The following TMX2 variants were observed in gnomAD, a reference collection of about 807,000 sequenced individuals.
The protein encoded by TMX2 is thioredoxin-related transmembrane protein 2.
In TMX2, 20 loss-of-function variants were observed where a neutral mutation model predicts 33.4. The observed-to-expected ratio is 0.60, with a 90% CI of 0.42 to 0.87. The LOEUF (loss-of-function observed/expected upper bound fraction) is 0.87. TMX2 is among the 40% of genes least tolerant of loss of function. The probability of loss-of-function intolerance (pLI) is 0.00; values close to 1 mark genes in which losing one functional copy is unlikely to be tolerated. For synonymous variants in TMX2, 166 were observed against 140.7 expected, an observed-to-expected ratio of 1.18 and a Z score of -1.27; for missense variants, 340 against 370.7, an observed-to-expected ratio of 0.92 and a Z score of 0.68.
At chr11:57,728,455 A>G (rs987588496) in intron 1 of TMX2, among the ~76,000 whole-genome samples, 2 of 152,046 alleles carry the variant, frequency 1.3e-5, no homozygotes, top group Non-Finnish European at 2.9e-5. Context: ...CCGAGACTGG[A>G]GGTAAGGTAC....
At chr11:57,724,764 G>A (rs1353666118) in intron 1 of TMX2, among the ~76,000 whole-genome samples, 1 of 152,114 alleles carries the variant, frequency 6.6e-6, no homozygotes, top group East Asian at 1.9e-4. Context: ...ATAAGGCTGG[G>A]CATGGTGGCT....
chr11:57,730,305 T>C (rs753382859), intron 1 of TMX2, among the ~76,000 whole-genome samples: 12 of 146,008 alleles, frequency 8.2e-5, no homozygotes, highest in Non-Finnish European at 1.3e-4. Flanking sequence ...TGGGCGCCTA[T>C]AATCCCAGGT....
chr11:57,732,827 G>GC (rs1165137988), intron 1 of TMX2, among the ~76,000 whole-genome samples: 1 of 152,074 alleles, frequency 6.6e-6, no homozygotes, highest in Non-Finnish European at 1.5e-5. Context: ...TCAGCCTGGT[G>GC]GGGGGTGGGG....
intron 1 of TMX2, among the ~76,000 whole-genome samples, chr11:57,717,308 G>A (rs1253196099): frequency 2.0e-5 from 3 of 152,112 alleles, no homozygotes; most frequent in Non-Finnish European, 2.9e-5. Context: ...GGTGGCGGCC[G>A]GGCAGAGGCT....
chr11:57,732,549 C>T (rs1243145050), intron 1 of TMX2, among the ~76,000 whole-genome samples: 2 of 152,064 alleles, frequency 1.3e-5, no homozygotes, highest in Admixed American at 6.5e-5. Context: ...TACCTGTATA[C>T]TCTTATCTAA....
At chr11:57,718,898 G>A (rs1004627255) in intron 1 of TMX2, among the ~76,000 whole-genome samples, 7 of 150,998 alleles carry the variant, frequency 4.6e-5, no homozygotes, top group Admixed American at 2.7e-4. Context: ...CTCATGATCC[G>A]CCCGCCTTGG....
In TMX2 at chr11:57,712,623, C is replaced by T. The variant is rs542757664; in HGVS notation, c.5C>T (p.Ala2Val). MAVLAPLIALVY... is the reference protein window; with the variant it reads MVVLAPLIALVY... ...GTGGCCGTTACGGCCGAAAAGATGG[C>T]GGTCTTGGCACCTCTAATTGCTCTC... The change falls in exon 1 of 8, where the codon GCG becomes GTG. Residue 2 changes from alanine to valine, a missense_variant. Physicochemically the swap from Ala to Val is moderately conservative, Grantham distance 64 (BLOSUM62 0). This residue lies in a region of TMX2 where 106 missense variants were observed against 82.7 expected (regional missense o/e 1.28). Transcript: ENST00000278422. The T allele has an allele frequency of 1.3e-4, 215 of 1,610,074 alleles. No homozygotes were observed. Among genetic ancestry groups the T allele is most frequent in the Admixed American group, 2.5e-4 (15 of 59,658 alleles).
At chr11:57,726,791 C>T (rs1431691757) in intron 1 of TMX2, among the ~76,000 whole-genome samples, 1 of 152,214 alleles carries the variant, frequency 6.6e-6, no homozygotes, top group Non-Finnish European at 1.5e-5. Flanking sequence ...CCTCAGGATG[C>T]TATACCTATG....
At chr11:57,718,251 G>C in intron 1 of TMX2, 2 of 1,513,002 alleles carry the variant, frequency 1.3e-6, no homozygotes, top group Non-Finnish European at 9.2e-7. Flanking sequence ...CAAGGTGCCA[G>C]GACCTGTATG....
At chr11:57,735,211 C>G (rs1320046367) in intron 1 of TMX2, among the ~76,000 whole-genome samples, 1 of 151,630 alleles carries the variant, frequency 6.6e-6, no homozygotes, top group Non-Finnish European at 1.5e-5. Flanking sequence ...CCCCTATTTT[C>G]TTTTCTTTTT....
intron 1 of TMX2, among the ~76,000 whole-genome samples, chr11:57,717,487 G>C (rs1013265829): frequency 6.6e-6 from 1 of 151,936 alleles, no homozygotes; most frequent in Admixed American, 6.6e-5. Flanking sequence ...GATCACTCGC[G>C]GTTAGGAGCT....
chr11:57,715,586 C>CTTTTTTCTTT (rs1555014355), intron 1 of TMX2, among the ~76,000 whole-genome samples: 1 of 130,120 alleles, frequency 7.7e-6, no homozygotes, highest in Non-Finnish European at 1.6e-5. Flanking sequence ...AATTTGTTTT[C>CTTTTTTCTTT]TTTTTTTTTT....
intron 1 of TMX2, among the ~76,000 whole-genome samples, chr11:57,735,254 G>A (rs1298206867): frequency 6.6e-6 from 1 of 151,528 alleles, no homozygotes; most frequent in Non-Finnish European, 1.5e-5. Flanking sequence ...TGTTGCCCAG[G>A]CTGGAGTGCA....
rs931167680 is a variant in TMX2, at chr11:57,717,595, C to T, written c.189+4788C>T. Among the ~76,000 whole-genome samples, 11 of 152,086 alleles carry T rather than the reference C, an allele frequency of 7.2e-5. No individual in the cohort carries two copies. In the South Asian group the frequency reaches 8.3e-4, roughly 11 times the overall value. Reference sequence around the variant, plus strand: ...GCGCTTGCCTGCAATCGCAGGCACTCGGTGGGCTGAGGCAGGAGAATCAGG... The same window carrying T: ...GCGCTTGCCTGCAATCGCAGGCACTTGGTGGGCTGAGGCAGGAGAATCAGG... On this transcript the variant is annotated intron_variant, in intron 1 of 7. Coordinates refer to ENST00000278422, the MANE Select transcript of TMX2 (RefSeq NM_015959.4).
At chr11:57,714,915 TTAGTG>T (rs1421986476) in intron 1 of TMX2, among the ~76,000 whole-genome samples, 5 of 152,178 alleles carry the variant, frequency 3.3e-5, no homozygotes, top group Admixed American at 3.3e-4. Flanking sequence ...GTTTTAATTT[TTAGTG>T]ATTCTAAGTC....
At position 57,738,352 on chromosome 11, in the gene TMX2, A is replaced by G; in HGVS notation, c.365-2A>G. The G allele has an allele frequency of 1.9e-6, 3 of 1,598,050 alleles. No homozygotes were observed. In the South Asian group the frequency reaches 3.3e-5, roughly 18 times the overall value. ...CCTTCGACATCTTCTTTCTGTATTT[A>G]GTGTTCCTGATGACGTGCAAACCCC... is the stretch of plus-strand genomic sequence containing the variant. On this transcript the variant is annotated splice_acceptor_variant, in intron 3 of 7. Transcript: ENST00000278422. LOFTEE classifies it high-confidence loss of function.
intron 1 of TMX2, among the ~76,000 whole-genome samples, chr11:57,716,246 TGGCCGGGC>T (rs1947007255): frequency 7.1e-6 from 1 of 140,678 alleles, no homozygotes; most frequent in African/African-American, 2.7e-5. Flanking sequence ...ACGGGGCGGA[TGGCCGGGC>T]GGGGGGCTGA....
At chr11:57,722,062 C>T (rs1338423411) in intron 1 of TMX2, among the ~76,000 whole-genome samples, 1 of 152,078 alleles carries the variant, frequency 6.6e-6, no homozygotes, top group Admixed American at 6.6e-5. Context: ...GTGGCATGGT[C>T]GCAGTTCACT....
chr11:57,724,665 T>C (rs1019565318), intron 1 of TMX2, among the ~76,000 whole-genome samples: 1 of 150,626 alleles, frequency 6.6e-6, no homozygotes, highest in African/African-American at 2.4e-5. Flanking sequence ...TACAGGTTAA[T>C]AGAACTGTAA....
Sources: gnomAD v4.1 joint callset for allele counts (sites outside exome capture counted in the v4.1 genomes callset) on GRCh38, gnomAD v4.1.1 for gene constraint, gnomAD v4.1.1 regional missense constraint, MANE v1.5 for transcripts, NCBI Gene and HGNC (gene_info 2026-07-23, HGNC 2026-07-21) for gene names.